Variants in PPP2R2C observed in about 807,000 individuals in gnomAD.
PPP2R2C encodes protein phosphatase 2, regulatory subunit B, gamma.
Under a neutral mutation model 45.3 loss-of-function variants are expected in PPP2R2C, and 10 were observed. The ratio of observed to expected loss-of-function variants is 0.22; its 90% CI spans 0.14 to 0.37. The LOEUF (loss-of-function observed/expected upper bound fraction) is 0.37, where lower values mean the gene tolerates loss of function less well. Among genes scored for constraint, PPP2R2C ranks in the 10% least tolerant of loss-of-function variants. The pLI is 1.00. For missense variants in PPP2R2C, 308 were observed against 619.7 expected, an observed-to-expected ratio of 0.50 and a Z score of 5.34; for synonymous variants, 257 against 245.4, an observed-to-expected ratio of 1.05 and a Z score of -0.44.
chr4:6,559,267 A>C (rs1397126317), intron 1 of PPP2R2C, among the ~76,000 whole-genome samples: 1 of 152,150 alleles, frequency 6.6e-6, no homozygotes, highest in African/African-American at 2.4e-5. Flanking sequence ...AACCGGGGGC[A>C]GTGGGCACGT....
At chr4:6,408,542 T>C (rs768539240) in intron 1 of PPP2R2C, among the ~76,000 whole-genome samples, 2 of 152,142 alleles carry the variant, frequency 1.3e-5, no homozygotes, top group Non-Finnish European at 2.9e-5. Context: ...GGAGGTAGGA[T>C]GGTGTAAACT....
chr4:6,424,619 C>A (rs1177751496), intron 1 of PPP2R2C, among the ~76,000 whole-genome samples: 3 of 152,194 alleles, frequency 2.0e-5, no homozygotes, highest in Non-Finnish European at 2.9e-5. Context: ...CCAGCCAATG[C>A]CTCCTCCAGA....
At chr4:6,382,340 C>A in intron 1 of PPP2R2C, 1 of 1,305,724 alleles carries the variant, frequency 7.7e-7, no homozygotes, top group Non-Finnish European at 1.0e-6. Flanking sequence ...CAAAATGGAT[C>A]TACTTTCAAA....
At chr4:6,500,479 G>C (rs560859628) in intron 2 of PPP2R2C, among the ~76,000 whole-genome samples, 39 of 152,314 alleles carry the variant, frequency 2.6e-4, no homozygotes, top group African/African-American at 9.1e-4. Flanking sequence ...GTGAAGATGA[G>C]AAGACAGGAG....
rs192867162 is a variant in PPP2R2C, at chr4:6,367,359, C to T, written c.625+5164G>A. ...GGCACGGAGGACTGAACAGTGTCAT[C>T]GGGCCGAGTGAGGACCCCAGAGAGC... is the stretch of plus-strand genomic sequence containing the variant. On this transcript the variant is annotated intron_variant, in intron 5 of 8. Transcript: ENST00000382599. Among the ~76,000 whole-genome samples, 185 of 152,222 alleles carry T rather than the reference C, an allele frequency of 1.2e-3. 5 individuals carry two copies. The South Asian group carries it at 0.025, about 20-fold the overall frequency.
chr4:6,403,864 GAAAAAAAA>G (rs11286848), intron 1 of PPP2R2C, among the ~76,000 whole-genome samples: 7 of 135,906 alleles, frequency 5.2e-5, no homozygotes, highest in Admixed American at 2.2e-4. Context: ...CTCCGCCTCA[GAAAAAAAA>G]AAAAAAAAGT....
In PPP2R2C at chr4:6,330,249, C is replaced by T. The variant is rs1415913816; in HGVS notation, c.961-896G>A. 6.6e-6 allele frequency among the ~76,000 whole-genome samples: 1 copy of T among 152,198 alleles called. No individual in the cohort carries two copies. Among genetic ancestry groups the T allele is most frequent in the Non-Finnish European group, 1.5e-5 (1 of 68,032 alleles). On this transcript the variant is annotated intron_variant, in intron 7 of 8. Coordinates refer to ENST00000382599, the MANE Select transcript of PPP2R2C (RefSeq NM_020416.4). This position sits in a 1 kb window ranked among gnomAD's most constrained non-coding sequence, Gnocchi z 7.0. ...CCAGGACAACAGGGCACGGGCTCTGCCCTCTGGGTGCGGAAGGGAAGGTAA... is the reference window on the plus strand; with the variant it reads ...CCAGGACAACAGGGCACGGGCTCTGTCCTCTGGGTGCGGAAGGGAAGGTAA...
chr4:6,432,552 C>G (rs1719678943), intron 1 of PPP2R2C, among the ~76,000 whole-genome samples: 1 of 152,196 alleles, frequency 6.6e-6, no homozygotes, highest in Non-Finnish European at 1.5e-5. Flanking sequence ...AGGGTGGGCC[C>G]AGTATTTCAG....
At chr4:6,502,511 C>T (rs914961266) in intron 2 of PPP2R2C, among the ~76,000 whole-genome samples, 18 of 151,948 alleles carry the variant, frequency 1.2e-4, no homozygotes, top group African/African-American at 4.1e-4. Flanking sequence ...CCCTCTCTCC[C>T]TCTCTCCCTC....
At chr4:6,340,099 C>T (rs973311597) in intron 6 of PPP2R2C, among the ~76,000 whole-genome samples, 15 of 152,288 alleles carry the variant, frequency 9.8e-5, no homozygotes, top group Admixed American at 5.2e-4. Flanking sequence ...ACAATGAATG[C>T]TCACTGATGA....
chr4:6,536,786 T>C (rs1724632368), intron 1 of PPP2R2C, among the ~76,000 whole-genome samples: 1 of 152,260 alleles, frequency 6.6e-6, no homozygotes. Context: ...TAATGGCAAG[T>C]ATTGGTAAAC....
At chr4:6,387,676 G>A (rs1716309298) in intron 1 of PPP2R2C, among the ~76,000 whole-genome samples, 2 of 152,180 alleles carry the variant, frequency 1.3e-5, no homozygotes, top group Non-Finnish European at 2.9e-5. Context: ...ATCCGGGCAT[G>A]GTGGCGGGCG....
Position 6,333,731 on chromosome 4 carries a change from A to C in PPP2R2C, c.791T>G (p.Leu264Arg). 11 of 1,613,958 alleles carry C rather than the reference A, an allele frequency of 6.8e-6. No homozygotes were observed. Among genetic ancestry groups the C allele is most frequent in the Non-Finnish European group, 9.3e-6 (11 of 1,179,932 alleles). Residue 264 changes from leucine to arginine, a missense_variant and splice_region_variant, in exon 7 of 9, where the codon CTC (leucine) becomes CGC (arginine). Transcript: ENST00000382599. ...ACTGGGGTCCTCAGGCTCTTCAAAGACTGTGGAGACAGAGAAGCAATGGCC... is the reference window on the plus strand; with the variant it reads ...ACTGGGGTCCTCAGGCTCTTCAAAGCCTGTGGAGACAGAGAAGCAATGGCC... ...AAALCDKHSK[L>R]FEEPEDPSNR...
At chr4:6,432,645 C>T (rs569189124) in intron 1 of PPP2R2C, among the ~76,000 whole-genome samples, 6 of 152,322 alleles carry the variant, frequency 3.9e-5, no homozygotes, top group South Asian at 2.1e-4. Flanking sequence ...TGGGACAACA[C>T]GCATACGCAT....
intron 1 of PPP2R2C, among the ~76,000 whole-genome samples, chr4:6,430,774 A>G (rs1719568749): frequency 6.6e-6 from 1 of 151,962 alleles, no homozygotes; most frequent in Admixed American, 6.6e-5. Context: ...AAAACACAAA[A>G]ATTAGCCAGT....
Position 6,322,019 on chromosome 4 carries a change from C to G in PPP2R2C, c.*1283G>C, listed in dbSNP as rs1014779271. The G allele has an allele frequency of 2.0e-5, 3 of 152,166 alleles. No homozygotes were observed. The highest frequency in any genetic ancestry group is 7.2e-5 in the African/African-American group (3 of 41,432). 9.4% of individuals were successfully genotyped at this position (152,166 alleles called of 1,614,324 possible). On this transcript the variant is annotated 3_prime_UTR_variant, in exon 9 of 9. Coordinates refer to ENST00000382599, the MANE Select transcript of PPP2R2C (RefSeq NM_020416.4). This position sits in a 1 kb window ranked among gnomAD's most constrained non-coding sequence, Gnocchi z 7.8. ...GTGGAGTCCTGGGGAGGGCCACACTCCTGAAGCCACCAAGCAGAGCGAGGA... is the reference window on the plus strand; with the variant it reads ...GTGGAGTCCTGGGGAGGGCCACACTGCTGAAGCCACCAAGCAGAGCGAGGA...
At chr4:6,551,929 C>T (rs892603725) in intron 1 of PPP2R2C, among the ~76,000 whole-genome samples, 12 of 152,214 alleles carry the variant, frequency 7.9e-5, no homozygotes, top group African/African-American at 2.9e-4. Flanking sequence ...TCAGCTGGCA[C>T]ATCATGGGAT....
chr4:6,415,108 T>C (rs1237443807), intron 1 of PPP2R2C, among the ~76,000 whole-genome samples: 1 of 152,250 alleles, frequency 6.6e-6, no homozygotes, highest in Non-Finnish European at 1.5e-5. Context: ...ACAGAGCCGC[T>C]GCCTCACAGT....
chr4:6,409,100 C>T (rs1032755915), intron 1 of PPP2R2C, among the ~76,000 whole-genome samples: 2 of 152,020 alleles, frequency 1.3e-5, no homozygotes, highest in African/African-American at 4.8e-5. Context: ...AGTGTGTGTT[C>T]CCTGTGGCAC....
Sources: allele counts gnomAD v4.1 joint callset (sites outside exome capture counted in the v4.1 genomes callset), GRCh38; gene constraint gnomAD v4.1.1; non-coding constraint Gnocchi (gnomAD v3.1); transcripts MANE v1.5; gene names NCBI Gene and HGNC (gene_info 2026-07-23, HGNC 2026-07-21).